Variants in PDE1C observed in about 807,000 individuals in gnomAD.
PDE1C encodes the protein phosphodiesterase 1C.
PDE1C carries 62 observed loss-of-function variants against 93.1 expected under a neutral mutation model. That is an observed-to-expected ratio of 0.67 (90% CI 0.54 to 0.82). The LOEUF (loss-of-function observed/expected upper bound fraction) is 0.82, where lower values mean the gene tolerates loss of function less well. Ranked by LOEUF, PDE1C falls within the 40% of genes least tolerant of loss-of-function variation. The pLI, the probability that PDE1C is intolerant of heterozygous loss-of-function variation, is 0.00. For synonymous variants in PDE1C, 325 were observed against 310.1 expected, an observed-to-expected ratio of 1.05 and a Z score of -0.50; for missense variants, 742 against 884.6, an observed-to-expected ratio of 0.84 and a Z score of 2.04.
rs376501118 is a variant in PDE1C at position 32,397,754 on chromosome 7, G to A, written c.310+30068C>T. On this transcript the variant is annotated intron_variant, in intron 1 of 1. Coordinates refer to the PDE1C transcript ENST00000672256. ...GTGAGGGTCAGGCACGGTGGCTCAC[G>A]CCTGTAATCTCAGCACTTTGGGAGG... Among the ~76,000 whole-genome samples, 109 of 152,152 alleles carry A rather than the reference G, an allele frequency of 7.2e-4. 1 individual carries two copies. In the Middle Eastern group the frequency reaches 0.014, roughly 19 times the overall value.
chr7:32,404,742 G>C (rs1785017494), intron 1 of PDE1C, among the ~76,000 whole-genome samples: 1 of 152,040 alleles, frequency 6.6e-6, no homozygotes, highest in African/African-American at 2.4e-5. Flanking sequence ...GTACACCTTG[G>C]AGCTATTTGG....
At chr7:31,932,627 T>TC (rs1804476740) in intron 2 of PDE1C, among the ~76,000 whole-genome samples, 1 of 152,122 alleles carries the variant, frequency 6.6e-6, no homozygotes, top group South Asian at 2.1e-4. Context: ...GGAATGTAAA[T>TC]TAGTTCAACC....
chr7:32,184,093 A>G (rs1161735108), intron 2 of PDE1C, among the ~76,000 whole-genome samples: 2 of 152,312 alleles, frequency 1.3e-5, no homozygotes, highest in African/African-American at 4.8e-5. Context: ...CAAAACTACA[A>G]TGAGATACCA....
the PDE1C span, among the ~76,000 whole-genome samples, chr7:31,650,650 C>A: frequency 6.6e-6 from 1 of 152,134 alleles, no homozygotes; most frequent in South Asian, 2.1e-4. Flanking sequence ...AGGACTGTGA[C>A]TAAGCAGGAC....
At chr7:31,729,162 C>A in the PDE1C span, among the ~76,000 whole-genome samples, 7 of 152,192 alleles carry the variant, frequency 4.6e-5, no homozygotes, top group African/African-American at 1.7e-4. Context: ...TAGCACCAGG[C>A]CTGACATTTT....
intron 2 of PDE1C, among the ~76,000 whole-genome samples, chr7:31,897,274 T>C (rs1307721174): frequency 6.6e-6 from 1 of 152,226 alleles, no homozygotes; most frequent in Non-Finnish European, 1.5e-5. Context: ...CATGAAGTGA[T>C]GATTGTAAAT....
chr7:32,071,288 G>C (rs1796033880), upstream of PDE1C: 2 of 985,442 alleles, frequency 2.0e-6, no homozygotes, highest in South Asian at 4.7e-5. Context: ...CAGAAGCCGC[G>C]AGGCTTCGCG....
chr7:31,771,047 T>C (rs899778372), intron 17 of PDE1C, among the ~76,000 whole-genome samples: 1 of 152,226 alleles, frequency 6.6e-6, no homozygotes, highest in Admixed American at 6.5e-5. Flanking sequence ...TCTGCTTTCT[T>C]GGGTTTGTAC....
chr7:32,121,454 G>GA (rs1357918099), intron 3 of PDE1C, among the ~76,000 whole-genome samples: 5 of 151,964 alleles, frequency 3.3e-5, no homozygotes, highest in African/African-American at 7.2e-5. Context: ...TGAAATGAAG[G>GA]AAAAAATGTT....
intron 1 of PDE1C, among the ~76,000 whole-genome samples, chr7:32,396,627 CAA>C (rs1202277825): frequency 6.6e-6 from 1 of 151,760 alleles, no homozygotes; most frequent in Non-Finnish European, 1.5e-5. Context: ...AAGTATGTGA[CAA>C]AGCAAATGTA....
At chr7:32,057,529 A>G (rs1584637170) in intron 1 of PDE1C, among the ~76,000 whole-genome samples, 1 of 152,362 alleles carries the variant, frequency 6.6e-6, no homozygotes, top group African/African-American at 2.4e-5. Flanking sequence ...AAGGGCAAAG[A>G]GCACTGACCT....
the PDE1C span, among the ~76,000 whole-genome samples, chr7:31,727,382 T>A: frequency 6.6e-6 from 1 of 152,220 alleles, no homozygotes; most frequent in African/African-American, 2.4e-5. Flanking sequence ...TGCATTATGT[T>A]CCATTCAATG....
At chr7:32,228,031 A>C (rs1807420657) in intron 1 of PDE1C, among the ~76,000 whole-genome samples, 1 of 152,208 alleles carries the variant, frequency 6.6e-6, no homozygotes, top group Admixed American at 6.5e-5. Context: ...GAGAGACTCC[A>C]AGCCAAAATC....
At chr7:32,133,813 C>A (rs1800058328) in intron 3 of PDE1C, among the ~76,000 whole-genome samples, 1 of 151,936 alleles carries the variant, frequency 6.6e-6, no homozygotes, top group Non-Finnish European at 1.5e-5. Context: ...CAATCTTAAC[C>A]CAAATATCAT....
chr7:32,192,459 T>C lies in PDE1C; in HGVS notation c.136+17030A>G, dbSNP rs142081335. 9.4e-3 allele frequency among the ~76,000 whole-genome samples: 1,431 copies of C among 152,300 alleles called. 30 individuals carry two copies. Among genetic ancestry groups the C allele is most frequent in the African/African-American group, 0.032 (1,332 of 41,566 alleles). On this transcript the variant is annotated intron_variant, in intron 2 of 18. Coordinates refer to the PDE1C transcript ENST00000396193. Reference sequence around the variant, plus strand: ...TGTTGAAAAGGTCATATTTCCTCCATTGAATTGCTTTTTCATCTCTGTCAA... The same window carrying C: ...TGTTGAAAAGGTCATATTTCCTCCACTGAATTGCTTTTTCATCTCTGTCAA...
At chr7:32,345,486 A>G (rs375625396) in intron 1 of PDE1C, among the ~76,000 whole-genome samples, 20 of 152,242 alleles carry the variant, frequency 1.3e-4, no homozygotes, top group African/African-American at 4.8e-4. Flanking sequence ...CCATAAGAGA[A>G]AAAGAATTTA....
intron 2 of PDE1C, among the ~76,000 whole-genome samples, chr7:32,047,091 G>GTA (rs1259770322): frequency 6.6e-6 from 1 of 150,600 alleles, no homozygotes; most frequent in East Asian, 2.0e-4. Flanking sequence ...GTGTGTGTGT[G>GTA]TTGGAAGCAC....
chr7:31,986,451 T>A (rs1287262083), intron 2 of PDE1C, among the ~76,000 whole-genome samples: 2 of 152,196 alleles, frequency 1.3e-5, no homozygotes, highest in African/African-American at 4.8e-5. Flanking sequence ...TGGGTTGATA[T>A]GAATTTTGGT....
intron 1 of PDE1C, among the ~76,000 whole-genome samples, chr7:32,386,659 A>G (rs574606088): frequency 0.011 from 1,520 of 140,762 alleles, 28 homozygotes; most frequent in African/African-American, 0.039. Context: ...CCCAAAAGGC[A>G]CACGGGTCTT....
Sources: gnomAD v4.1 joint callset for allele counts (sites outside exome capture counted in the v4.1 genomes callset) on GRCh38, gnomAD v4.1.1 for gene constraint, MANE v1.5 for transcripts, NCBI Gene and HGNC (gene_info 2026-07-23, HGNC 2026-07-21) for gene names.